The following TNNI3K variants were observed in gnomAD, a reference collection of about 807,000 sequenced individuals.
The protein encoded by TNNI3K is serine/threonine-protein kinase TNNI3K.
TNNI3K carries 140 observed loss-of-function variants against 114.5 expected under a neutral mutation model. The observed-to-expected ratio is 1.22, with a 90% CI of 1.07 to 1.41. TNNI3K has a LOEUF of 1.41. Ranked by LOEUF, TNNI3K falls within the 40% of genes most tolerant of loss-of-function variation. TNNI3K has a pLI of 0.00. For missense variants in TNNI3K, 1,125 were observed against 1,007.6 expected (o/e 1.12, Z -1.58); for synonymous variants, 347 against 347.5 (o/e 1.00, Z 0.02).
At chr1:74,293,437 G>A (rs942158638) in intron 5 of TNNI3K, among the ~76,000 whole-genome samples, 18 of 151,222 alleles carry the variant, frequency 1.2e-4, no homozygotes, top group Non-Finnish European at 1.9e-4. Context: ...TTACTTTTTC[G>A]CTTTTTACAT....
At chr1:74,342,599 G>C (rs1660802007) in intron 7 of TNNI3K, among the ~76,000 whole-genome samples, 1 of 152,132 alleles carries the variant, frequency 6.6e-6, no homozygotes, top group Non-Finnish European at 1.5e-5. Context: ...AGATAGATTT[G>C]ATTTGATGTG....
intron 5 of TNNI3K, among the ~76,000 whole-genome samples, chr1:74,279,636 T>C (rs994514175): frequency 2.6e-5 from 4 of 151,216 alleles, no homozygotes; most frequent in Non-Finnish European, 5.9e-5. Context: ...AGCTTTCATT[T>C]GTTTTGCTTT....
intron 4 of TNNI3K, among the ~76,000 whole-genome samples, chr1:74,268,841 C>T (rs889651348): frequency 1.3e-5 from 2 of 151,756 alleles, no homozygotes; most frequent in Non-Finnish European, 3.0e-5. Flanking sequence ...TCTGCTTCTT[C>T]CTGGTTCTTC....
intron 19 of TNNI3K, among the ~76,000 whole-genome samples, chr1:74,437,888 A>G (rs1193222517): frequency 6.6e-6 from 1 of 151,836 alleles, no homozygotes; most frequent in African/African-American, 2.4e-5. Flanking sequence ...TCTTTTAAAA[A>G]TTCCCCCACA....
chr1:74,489,804 C>A (rs914428156), intron 22 of TNNI3K, among the ~76,000 whole-genome samples: 1 of 151,990 alleles, frequency 6.6e-6, no homozygotes, highest in Admixed American at 6.5e-5. Context: ...TTTCTACACA[C>A]CTGGTCAAGA....
At chr1:74,430,496 T>G (rs1665842209) in intron 17 of TNNI3K, among the ~76,000 whole-genome samples, 1 of 152,078 alleles carries the variant, frequency 6.6e-6, no homozygotes, top group Admixed American at 6.6e-5. Context: ...AGCTTATTCA[T>G]GTCTGAATGT....
At chr1:74,321,070 A>G (rs1346598526) in intron 5 of TNNI3K, among the ~76,000 whole-genome samples, 1 of 152,170 alleles carries the variant, frequency 6.6e-6, no homozygotes, top group Non-Finnish European at 1.5e-5. Flanking sequence ...GGCAATTTAT[A>G]TAAATAAATC....
intron 21 of TNNI3K, chr1:74,475,949 A>T (rs1668185733): frequency 2.2e-6 from 1 of 449,470 alleles, no homozygotes; most frequent in Non-Finnish European, 3.9e-6. Flanking sequence ...CCATTTGGAA[A>T]AATATCAGTC....
At chr1:74,516,547 G>A (rs1159905496) in intron 23 of TNNI3K, among the ~76,000 whole-genome samples, 1 of 152,034 alleles carries the variant, frequency 6.6e-6, no homozygotes, top group Non-Finnish European at 1.5e-5. Context: ...ATATGAGGCA[G>A]GGAGCAATAG....
At chr1:74,483,955 GCT>G (rs1668624665) in intron 21 of TNNI3K, among the ~76,000 whole-genome samples, 2 of 152,036 alleles carry the variant, frequency 1.3e-5, no homozygotes, top group Non-Finnish European at 1.5e-5. Context: ...TTTGAATTCA[GCT>G]CTGTTTTTAC....
intron 20 of TNNI3K, among the ~76,000 whole-genome samples, chr1:74,450,444 G>A (rs1666937275): frequency 6.6e-6 from 1 of 152,042 alleles, no homozygotes; most frequent in Non-Finnish European, 1.5e-5. Flanking sequence ...CACAGCAAAA[G>A]AAGCTATCGT....
intron 5 of TNNI3K, among the ~76,000 whole-genome samples, chr1:74,316,529 C>G (rs139978757): frequency 7.9e-5 from 12 of 152,136 alleles, no homozygotes; most frequent in Non-Finnish European, 4.4e-5. Context: ...TTTCTCTACC[C>G]GGACTTTTCT....
intron 4 of TNNI3K, among the ~76,000 whole-genome samples, chr1:74,257,800 T>A (rs1036057027): frequency 9.9e-5 from 15 of 151,424 alleles, no homozygotes; most frequent in Admixed American, 8.6e-4. Context: ...CCGGAGTAGC[T>A]GGGGCTACAG....
At chr1:74,523,853 C>T (rs1048235437) in intron 23 of TNNI3K, among the ~76,000 whole-genome samples, 8 of 152,086 alleles carry the variant, frequency 5.3e-5, no homozygotes, top group Non-Finnish European at 1.2e-4. Context: ...TATACATGTG[C>T]CATGGTGGTT....
At chr1:74,375,564 G>C (rs1246254019) in intron 17 of TNNI3K, 3 of 455,132 alleles carry the variant, frequency 6.6e-6, no homozygotes, top group Non-Finnish European at 1.3e-5. Flanking sequence ...ATATTTTGCA[G>C]ATGCTGTACA....
At chr1:74,309,856 T>C (rs1330894602) in intron 5 of TNNI3K, among the ~76,000 whole-genome samples, 2 of 152,144 alleles carry the variant, frequency 1.3e-5, no homozygotes. Flanking sequence ...AACATCATAC[T>C]GAAAGGGCAA....
intron 11 of TNNI3K, among the ~76,000 whole-genome samples, chr1:74,361,234 G>T (rs1413278062): frequency 2.6e-5 from 4 of 151,992 alleles, no homozygotes; most frequent in African/African-American, 7.2e-5. Context: ...TGGTTGGAAT[G>T]CTTTTCTCCT....
intron 5 of TNNI3K, among the ~76,000 whole-genome samples, chr1:74,282,338 C>A (rs1657064810): frequency 6.6e-6 from 1 of 152,036 alleles, no homozygotes; most frequent in Admixed American, 6.6e-5. Flanking sequence ...CAGTTCAGGG[C>A]AATAGAAGTT....
intron 23 of TNNI3K, among the ~76,000 whole-genome samples, chr1:74,522,446 G>A (rs1279165268): frequency 6.6e-6 from 1 of 152,150 alleles, no homozygotes; most frequent in African/African-American, 2.4e-5. Context: ...AGACCAAGGA[G>A]TACACTTCCA....
Sources: allele counts gnomAD v4.1 joint callset (sites outside exome capture counted in the v4.1 genomes callset), GRCh38; gene constraint gnomAD v4.1.1; transcripts MANE v1.5; gene names NCBI Gene and HGNC (gene_info 2026-07-23, HGNC 2026-07-21).